Variants in MICAL3 observed in about 807,000 individuals in gnomAD.
MICAL3 encodes microtubule associated monooxygenase, calponin and LIM domain containing 3.
A neutral mutation model predicts 207.4 loss-of-function variants in MICAL3; 62 were observed. The ratio of observed to expected loss-of-function variants is 0.30; its 90% CI spans 0.24 to 0.37. The LOEUF (loss-of-function observed/expected upper bound fraction) is 0.37, where lower values mean the gene tolerates loss of function less well. MICAL3 is among the 10% of genes least tolerant of loss of function. MICAL3 has a pLI of 1.00. For missense variants in MICAL3, 2,368 were observed against 2,635.6 expected (o/e 0.90, Z 2.22); for synonymous variants, 1,077 against 1,069.3 (o/e 1.01, Z -0.14).
At chr22:17,831,251 G>C (rs528588950) in intron 21 of MICAL3, among the ~76,000 whole-genome samples, 1 of 139,268 alleles carries the variant, frequency 7.2e-6, no homozygotes, top group Non-Finnish European at 1.6e-5. Context: ...GGCCCAGCAA[G>C]TCCCTCCTCA....
chr22:18,023,281 C>A (rs1369657788), intron 1 of MICAL3, among the ~76,000 whole-genome samples: 1 of 152,138 alleles, frequency 6.6e-6, no homozygotes, highest in Non-Finnish European at 1.5e-5. Flanking sequence ...TGGGCCATAT[C>A]CCAGACCAAT....
At chr22:17,977,137 G>A (rs1180710588) in intron 1 of MICAL3, among the ~76,000 whole-genome samples, 1 of 152,122 alleles carries the variant, frequency 6.6e-6, no homozygotes, top group East Asian at 1.9e-4. Flanking sequence ...TGAAAGCACA[G>A]AAAACTGATG....
rs563170484 is a variant in MICAL3, at chr22:17,857,526, T to C, written c.2605+7373A>G. Among the ~76,000 whole-genome samples, 3 of 151,898 alleles carry C rather than the reference T, an allele frequency of 2.0e-5. No homozygotes were observed. In the East Asian group the frequency reaches 5.8e-4, roughly 29 times the overall value. On this transcript the variant is annotated intron_variant, in intron 19 of 31. Coordinates refer to ENST00000441493, the MANE Select transcript of MICAL3 (RefSeq NM_015241.3). Reference sequence around the variant, plus strand: ...CTCTTCTCCCGCAGGTGCAGGAGAGTTGATCACAGAACACAGAATAAGGAA... The same window carrying C: ...CTCTTCTCCCGCAGGTGCAGGAGAGCTGATCACAGAACACAGAATAAGGAA...
chr22:17,941,543 T>C (rs1933807826), intron 1 of MICAL3, among the ~76,000 whole-genome samples: 1 of 152,220 alleles, frequency 6.6e-6, no homozygotes, highest in Non-Finnish European at 1.5e-5. Flanking sequence ...AGAAACAGGT[T>C]GAGCTTCAAA....
intron 19 of MICAL3, among the ~76,000 whole-genome samples, chr22:17,846,267 T>C (rs1025383412): frequency 2.0e-5 from 3 of 152,098 alleles, no homozygotes; most frequent in Non-Finnish European, 4.4e-5. Context: ...TGGCAGGCCA[T>C]TGCCGGGGGT....
intron 1 of MICAL3, among the ~76,000 whole-genome samples, chr22:17,975,692 C>CA (rs1431028525): frequency 2.6e-5 from 4 of 152,064 alleles, no homozygotes; most frequent in Admixed American, 6.5e-5. Flanking sequence ...AGTGTGTCCC[C>CA]AAAAAACAGA....
At chr22:17,794,502 G>T (rs1055933453) in intron 29 of MICAL3, among the ~76,000 whole-genome samples, 1 of 152,236 alleles carries the variant, frequency 6.6e-6, no homozygotes, top group Non-Finnish European at 1.5e-5. Context: ...TCACACCTGC[G>T]CTCCTTCAAA....
At chr22:17,843,022 G>A (rs990780368) in intron 19 of MICAL3, among the ~76,000 whole-genome samples, 3 of 150,098 alleles carry the variant, frequency 2.0e-5, no homozygotes, top group African/African-American at 7.4e-5. Flanking sequence ...TCGGGAGGCT[G>A]AAGCAGGAGA....
At chr22:17,849,648 G>A (rs930804265) in intron 19 of MICAL3, among the ~76,000 whole-genome samples, 14 of 69,496 alleles carry the variant, frequency 2.0e-4, no homozygotes, top group Admixed American at 1.8e-3. Flanking sequence ...AATGGAATGT[G>A]TGTGTGTGTG....
chr22:18,011,874 G>A (rs188652464), intron 1 of MICAL3, among the ~76,000 whole-genome samples: 22 of 149,350 alleles, frequency 1.5e-4, no homozygotes, highest in Admixed American at 1.1e-3. Context: ...CCTGGGCGAC[G>A]GAGCGAGACT....
At chr22:18,014,914 A>T (rs1196649063) in intron 1 of MICAL3, among the ~76,000 whole-genome samples, 3 of 151,580 alleles carry the variant, frequency 2.0e-5, no homozygotes, top group East Asian at 3.9e-4. Context: ...AATGGCATGA[A>T]CCCAGAAGCT....
intron 1 of MICAL3, among the ~76,000 whole-genome samples, chr22:17,994,399 A>T (rs1448562889): frequency 6.6e-6 from 1 of 152,148 alleles, no homozygotes; most frequent in Non-Finnish European, 1.5e-5. Flanking sequence ...GCCTCCCGGG[A>T]CCCATGCTAC....
intron 1 of MICAL3, among the ~76,000 whole-genome samples, chr22:17,976,535 A>ACG (rs1935639595): frequency 3.1e-5 from 3 of 97,058 alleles, no homozygotes; most frequent in Non-Finnish European, 5.8e-5. Context: ...GTGTATATAT[A>ACG]TGTGTGTGTG....
intron 1 of MICAL3, among the ~76,000 whole-genome samples, chr22:17,993,684 T>C (rs565456444): frequency 4.1e-4 from 63 of 151,874 alleles, no homozygotes; most frequent in South Asian, 8.4e-4. Context: ...TGCTTCAGAA[T>C]TACCTCCTGA....
At chr22:17,990,726 C>G (rs954569157) in intron 1 of MICAL3, among the ~76,000 whole-genome samples, 1 of 152,156 alleles carries the variant, frequency 6.6e-6, no homozygotes, top group Non-Finnish European at 1.5e-5. Context: ...AACCTCACTG[C>G]GCCTCATCTT....
At chr22:17,847,224 C>G (rs1213964502) in intron 19 of MICAL3, among the ~76,000 whole-genome samples, 4 of 152,164 alleles carry the variant, frequency 2.6e-5, no homozygotes, top group Non-Finnish European at 5.9e-5. Context: ...AGAAGGGTGT[C>G]GCGTAGGAAA....
chr22:17,866,673 A>AATAGAATAGAAT (rs2146147917), intron 17 of MICAL3, among the ~76,000 whole-genome samples: 1 of 138,870 alleles, frequency 7.2e-6, no homozygotes, highest in African/African-American at 2.6e-5. Flanking sequence ...TAGAATATAG[A>AATAGAATAGAAT]ATAGAATAGA....
intron 1 of MICAL3, among the ~76,000 whole-genome samples, chr22:17,916,477 T>C (rs80237521): frequency 0.011 from 1,731 of 152,326 alleles, 39 homozygotes; most frequent in African/African-American, 0.04. Flanking sequence ...GAATTGTCAA[T>C]GCTTTGTTCA....
Position 17,875,386 on chromosome 22 carries a change from G to A in MICAL3, c.2242-3363C>T, listed in dbSNP as rs888469497. ...GCCTCCTGGGGTACATGACACTTGC[G>A]AAAGTGACGTGAGTGGAGGCTGCGG... is the stretch of plus-strand genomic sequence containing the variant. On this transcript the variant is annotated intron_variant, in intron 16 of 31. Coordinates refer to ENST00000441493, the MANE Select transcript of MICAL3 (RefSeq NM_015241.3). 38 of 1,112,888 alleles carry A rather than the reference G, an allele frequency of 3.4e-5. 1 individual carries two copies. Among genetic ancestry groups the A allele is most frequent in the South Asian group, 1.2e-4 (7 of 60,246 alleles). 68.9% of individuals were successfully genotyped at this position (1,112,888 alleles called of 1,614,324 possible). A position where few individuals can be genotyped will look rare whatever the true frequency, so the allele number is the denominator to read the frequency against.
Sources: allele counts gnomAD v4.1 joint callset (sites outside exome capture counted in the v4.1 genomes callset), GRCh38; gene constraint gnomAD v4.1.1; transcripts MANE v1.5; gene names NCBI Gene and HGNC (gene_info 2026-07-23, HGNC 2026-07-21).